The following EML6 variants were observed in gnomAD, a reference collection of about 807,000 sequenced individuals.
EML6 encodes echinoderm microtubule-associated protein-like 6.
Under a neutral mutation model 240.1 loss-of-function variants are expected in EML6, and 154 were observed. The observed-to-expected ratio is 0.64, with a 90% CI of 0.56 to 0.73. The LOEUF (loss-of-function observed/expected upper bound fraction) is 0.73. Ranked by LOEUF, EML6 falls within the 30% of genes least tolerant of loss-of-function variation. The pLI is 0.00. For missense variants in EML6, 2,964 were observed against 2,474.6 expected (o/e 1.20, Z -4.20); for synonymous variants, 1,148 against 899.0 (o/e 1.28, Z -4.95).
chr2:54,791,503 A>T (rs59871748), intron 2 of EML6, among the ~76,000 whole-genome samples: 9,923 of 152,280 alleles, frequency 0.065, 1,052 homozygotes, highest in African/African-American at 0.22. Flanking sequence ...TTCACCAGCA[A>T]TGTAAACCCT....
intron 7 of EML6, among the ~76,000 whole-genome samples, chr2:54,838,872 A>C (rs1163597153): frequency 6.6e-6 from 1 of 152,208 alleles, no homozygotes; most frequent in East Asian, 1.9e-4. Context: ...GTCAAAAGTA[A>C]CAATGATGTG....
Position 54,804,637 on chromosome 2 carries a change from T to A in EML6, c.198-8595T>A, listed in dbSNP as rs1336735581. On this transcript the variant is annotated intron_variant, in intron 2 of 41. Transcript: ENST00000356458. ...TTAATCAATTTATATTTCTCCAGGA[T>A]CACTTTTGTTTTAATCTTTGTATTT... Among the ~76,000 whole-genome samples, 4 of 152,248 alleles carry A rather than the reference T, an allele frequency of 2.6e-5. No individual in the cohort carries two copies. In the East Asian group the frequency reaches 7.7e-4, roughly 29 times the overall value.
In EML6 at chr2:54,725,265, G is replaced by C. The variant is rs1023643815; in HGVS notation, c.197+7G>C. 2 of 1,412,804 alleles carry C rather than the reference G, an allele frequency of 1.4e-6. No homozygotes were observed. Among genetic ancestry groups the C allele is most frequent in the Admixed American group, 2.8e-5 (1 of 36,254 alleles). The allele number at this position is 1,412,804 out of a possible 1,614,324, so 87.5% of individuals were successfully genotyped here. On this transcript the variant is annotated splice_region_variant and intron_variant, in intron 2 of 41. Coordinates refer to ENST00000356458, the MANE Select transcript of EML6 (RefSeq NM_001039753.4). This position sits in a 1 kb window ranked among gnomAD's most constrained non-coding sequence, Gnocchi z 4.3. ...ACAACGACGACATTATCAGGTAAGG[G>C]GGTGGCCAGGGGCGGCGGGGAGGGG...
chr2:54,934,541 CAT>C (rs564769225), intron 28 of EML6, among the ~76,000 whole-genome samples: 7 of 151,674 alleles, frequency 4.6e-5, no homozygotes, highest in African/African-American at 1.5e-4. Context: ...AACATATATA[CAT>C]ATATATATAT....
chr2:54,775,594 A>G (rs545433324), intron 2 of EML6, among the ~76,000 whole-genome samples: 2 of 152,192 alleles, frequency 1.3e-5, no homozygotes, highest in South Asian at 4.1e-4. Context: ...ACAACCTAAA[A>G]CTGTGTATTT....
chr2:54,770,616 C>T (rs1018581227), intron 2 of EML6, among the ~76,000 whole-genome samples: 1 of 152,190 alleles, frequency 6.6e-6, no homozygotes, highest in African/African-American at 2.4e-5. Flanking sequence ...TTCTCAGTTG[C>T]CTCCAGCTGG....
chr2:54,792,852 A>G (rs1308301619), intron 2 of EML6, among the ~76,000 whole-genome samples: 4 of 152,244 alleles, frequency 2.6e-5, no homozygotes, highest in African/African-American at 9.6e-5. Context: ...TTATGAGGAC[A>G]TACGGATTAT....
intron 26 of EML6, among the ~76,000 whole-genome samples, chr2:54,919,273 T>A (rs1156477604): frequency 7.1e-6 from 1 of 141,578 alleles, no homozygotes; most frequent in Non-Finnish European, 1.5e-5. Flanking sequence ...TCAAAAGTCT[T>A]ATTTTTTGTC....
At chr2:54,868,452 G>A (rs1671084792) in intron 14 of EML6, 1 of 152,124 alleles carries the variant, frequency 6.6e-6, no homozygotes, top group African/African-American at 2.4e-5. Flanking sequence ...TCTATTCTCA[G>A]TTCTCATTTT....
chr2:54,834,061 T>C (rs981487396), intron 7 of EML6, among the ~76,000 whole-genome samples: 10 of 152,322 alleles, frequency 6.6e-5, no homozygotes, highest in African/African-American at 2.2e-4. Context: ...TTCAGCTGTA[T>C]GGGGTGGTTG....
chr2:54,892,247 A>T (rs1217848377), intron 18 of EML6, among the ~76,000 whole-genome samples: 2 of 152,152 alleles, frequency 1.3e-5, no homozygotes, highest in Admixed American at 6.6e-5. Flanking sequence ...CACTTACCAC[A>T]TGTAGGGATT....
chr2:54,812,237 A>G (rs918589855), intron 2 of EML6, among the ~76,000 whole-genome samples: 2 of 152,022 alleles, frequency 1.3e-5, no homozygotes, highest in Non-Finnish European at 2.9e-5. Flanking sequence ...TTGTCCAAAG[A>G]ACCAGAGATA....
chr2:54,810,793 C>T (rs1451518951), intron 2 of EML6, among the ~76,000 whole-genome samples: 1 of 152,116 alleles, frequency 6.6e-6, no homozygotes, highest in African/African-American at 2.4e-5. Flanking sequence ...CAGCCCCTGC[C>T]CTCACGGAGC....
intron 16 of EML6, among the ~76,000 whole-genome samples, chr2:54,874,456 A>C (rs764366786): frequency 3.9e-5 from 6 of 152,186 alleles, no homozygotes; most frequent in Non-Finnish European, 7.4e-5. Context: ...TCAGTATTTT[A>C]ACAATACAGT....
At chr2:54,790,505 C>T (rs1296349257) in intron 2 of EML6, among the ~76,000 whole-genome samples, 1 of 152,142 alleles carries the variant, frequency 6.6e-6, no homozygotes, top group Non-Finnish European at 1.5e-5. Flanking sequence ...ACACCATACT[C>T]TATTGTCACC....
At chr2:54,875,695 G>A (rs911616390) in intron 16 of EML6, among the ~76,000 whole-genome samples, 6 of 152,202 alleles carry the variant, frequency 3.9e-5, no homozygotes, top group Admixed American at 2.6e-4. Context: ...GGACAAGAAG[G>A]AATGAATTTA....
At chr2:54,890,199 C>G (rs935239802) in intron 17 of EML6, among the ~76,000 whole-genome samples, 1 of 152,048 alleles carries the variant, frequency 6.6e-6, no homozygotes, top group African/African-American at 2.4e-5. Context: ...TACTTGATTC[C>G]TTAATATTGA....
chr2:54,880,457 C>A (rs777149085), intron 17 of EML6: 1 of 152,156 alleles, frequency 6.6e-6, no homozygotes, highest in Non-Finnish European at 1.5e-5. Context: ...TAATATTTTC[C>A]TCTACAATAT....
intron 4 of EML6, among the ~76,000 whole-genome samples, chr2:54,819,680 G>A (rs1019113387): frequency 1.3e-5 from 2 of 151,126 alleles, no homozygotes; most frequent in Non-Finnish European, 2.9e-5. Context: ...GGAGGCTGAG[G>A]CAGGAGAATT....
Sources: gnomAD v4.1 joint callset for allele counts (sites outside exome capture counted in the v4.1 genomes callset) on GRCh38, gnomAD v4.1.1 for gene constraint, Gnocchi (gnomAD v3.1) non-coding constraint, MANE v1.5 for transcripts, NCBI Gene and HGNC (gene_info 2026-07-23, HGNC 2026-07-21) for gene names.